The following RNF13 variants were observed in gnomAD, a reference collection of about 807,000 sequenced individuals.
RNF13 encodes E3 ubiquitin-protein ligase RNF13.
A neutral mutation model predicts 37.7 loss-of-function variants in RNF13; 19 were observed. The ratio of observed to expected loss-of-function variants is 0.50; its 90% CI spans 0.35 to 0.74. The LOEUF (loss-of-function observed/expected upper bound fraction) is 0.74. Ranked by LOEUF, RNF13 falls within the 30% of genes least tolerant of loss-of-function variation. The pLI, the probability that RNF13 is intolerant of heterozygous loss-of-function variation, is 0.01. For synonymous variants in RNF13, 144 were observed against 157.8 expected (o/e 0.91, Z 0.65); for missense variants, 375 against 453.0 (o/e 0.83, Z 1.56).
intron 3 of RNF13, among the ~76,000 whole-genome samples, chr3:149,858,577 C>T (rs1723890693): frequency 6.6e-6 from 1 of 152,154 alleles, no homozygotes; most frequent in African/African-American, 2.4e-5. Context: ...AGCAACACAG[C>T]TTTTGGGCTA....
intron 8 of RNF13, among the ~76,000 whole-genome samples, chr3:149,940,702 C>T (rs973106306): frequency 1.3e-5 from 2 of 152,098 alleles, no homozygotes; most frequent in Non-Finnish European, 2.9e-5. Flanking sequence ...TAGAAAAACA[C>T]ATAACAATAA....
At chr3:149,953,864 G>C (rs1252230548) in intron 8 of RNF13, among the ~76,000 whole-genome samples, 1 of 152,172 alleles carries the variant, frequency 6.6e-6, no homozygotes, top group Non-Finnish European at 1.5e-5. Context: ...GCTTACGATA[G>C]TGCTTGGCAC....
rs776893225 is a variant in RNF13, at chr3:149,846,089, C to T, written c.63C>T (p.Val21=). The T allele has an allele frequency of 6.2e-7, 1 of 1,613,234 alleles. No homozygotes were observed. The highest frequency in any genetic ancestry group is 8.5e-7 in the Non-Finnish European group (1 of 1,179,870). The change falls in exon 2 of 10, where the codon GTC becomes GTT. Residue 21 remains valine (V), a synonymous_variant. Transcript: ENST00000392894. ...CACAAGTCTACACCATCTTGACTGT[C>T]CAGCTCTTTGCATTCTTAAACCTAC... is the stretch of plus-strand genomic sequence containing the variant. The part of the protein sequence containing the change: ...SATQVYTILT[V]QLFAFLNLLP...
At chr3:149,869,598 T>C (rs1249788813) in intron 3 of RNF13, among the ~76,000 whole-genome samples, 1 of 151,318 alleles carries the variant, frequency 6.6e-6, no homozygotes, top group Middle Eastern at 3.2e-3. Context: ...AGAGCGAGAC[T>C]CCGCCTCAGA....
At chr3:149,906,019 G>A (rs1716351509) in intron 6 of RNF13, among the ~76,000 whole-genome samples, 1 of 151,990 alleles carries the variant, frequency 6.6e-6, no homozygotes, top group Non-Finnish European at 1.5e-5. Context: ...CCAGCCCCAG[G>A]CAATCACTAA....
At chr3:149,881,490 C>A (rs956340505) in intron 4 of RNF13, among the ~76,000 whole-genome samples, 1 of 152,064 alleles carries the variant, frequency 6.6e-6, no homozygotes, top group South Asian at 2.1e-4. Context: ...ACCACCAGGC[C>A]TGGCTAATTT....
In RNF13 at chr3:149,950,830, C is replaced by T. The variant is rs574422073; in HGVS notation, c.701-9226C>T. 1.8e-4 allele frequency among the ~76,000 whole-genome samples: 27 copies of T among 152,098 alleles called. No individual in the cohort carries two copies. In the South Asian group the frequency reaches 3.5e-3, roughly 20 times the overall value. ...CAAGGGTCTGAACTTCACAAGTGCC[C>T]GTCACTTCTTTTCCCAGAATTAGGT... On this transcript the variant is annotated intron_variant, in intron 8 of 9. Coordinates refer to ENST00000392894, the MANE Select transcript of RNF13 (RefSeq NM_183381.3).
chr3:149,942,538 AATTG>A (rs1720378837), intron 8 of RNF13, among the ~76,000 whole-genome samples: 1 of 151,994 alleles, frequency 6.6e-6, no homozygotes, highest in Non-Finnish European at 1.5e-5. Flanking sequence ...TTCCTTTGTG[AATTG>A]ATTGTTAGTG....
intron 8 of RNF13, among the ~76,000 whole-genome samples, chr3:149,931,555 C>T (rs1434477690): frequency 1.3e-5 from 2 of 151,882 alleles, no homozygotes; most frequent in Admixed American, 6.5e-5. Context: ...TTGCATTTTA[C>T]AATTTTTTAT....
intron 5 of RNF13, among the ~76,000 whole-genome samples, chr3:149,899,437 A>G (rs1715594926): frequency 6.6e-6 from 1 of 152,208 alleles, no homozygotes; most frequent in South Asian, 2.1e-4. Flanking sequence ...CAACAGAGCA[A>G]GACTCCGTCT....
intron 1 of RNF13, among the ~76,000 whole-genome samples, chr3:149,838,064 G>T (rs1298154555): frequency 6.6e-6 from 1 of 152,138 alleles, no homozygotes; most frequent in Non-Finnish European, 1.5e-5. Flanking sequence ...CAGCGGGGCA[G>T]TCAAATCTTA....
At chr3:149,823,627 A>C (rs2108318628) in intron 1 of RNF13, among the ~76,000 whole-genome samples, 1 of 152,330 alleles carries the variant, frequency 6.6e-6, no homozygotes, top group South Asian at 2.1e-4. Context: ...GTACAGCAAG[A>C]AAATAGACAA....
In RNF13 at chr3:149,823,571, A is replaced by G. The variant is rs537541486; in HGVS notation, c.-17+10218A>G. Reference sequence around the variant, plus strand: ...TAATCAGAAGTATGGAAAGATTTATATTCATTGGAAAATTATTTGTAATAG... The same window carrying G: ...TAATCAGAAGTATGGAAAGATTTATGTTCATTGGAAAATTATTTGTAATAG... On this transcript the variant is annotated intron_variant, in intron 1 of 9. Coordinates refer to ENST00000392894, the MANE Select transcript of RNF13 (RefSeq NM_183381.3). 2.8e-3 allele frequency among the ~76,000 whole-genome samples: 429 copies of G among 152,314 alleles called. 2 individuals carry two copies. The highest frequency in any genetic ancestry group is 9.9e-3 in the African/African-American group (410 of 41,582).
intron 3 of RNF13, among the ~76,000 whole-genome samples, chr3:149,855,670 A>G (rs1723581384): frequency 6.6e-6 from 1 of 151,560 alleles, no homozygotes. Flanking sequence ...TTTCTCTAGG[A>G]TAGAGGTCTG....
intron 7 of RNF13, among the ~76,000 whole-genome samples, chr3:149,917,920 T>A (rs1717711817): frequency 6.6e-6 from 1 of 152,210 alleles, no homozygotes; most frequent in Non-Finnish European, 1.5e-5. Context: ...CACAATTCAA[T>A]AATTTTAAGT....
At chr3:149,923,054 TAATAA>T (rs1281535819) in intron 8 of RNF13, among the ~76,000 whole-genome samples, 13 of 152,238 alleles carry the variant, frequency 8.5e-5, no homozygotes, top group African/African-American at 2.9e-4. Context: ...ATTTTTCAAA[TAATAA>T]AATGTTTTAT....
intron 2 of RNF13, among the ~76,000 whole-genome samples, chr3:149,849,816 G>T (rs890741494): frequency 6.6e-6 from 1 of 152,108 alleles, no homozygotes; most frequent in Admixed American, 6.6e-5. Flanking sequence ...CTCAGTAATT[G>T]TTAGATATTT....
At position 149,883,020 on chromosome 3, in the gene RNF13, C is replaced by G. The variant is rs115421081; in HGVS notation, c.321+10866C>G. ...ATATTTTATGTCTTATACATTCTCT[C>G]TCTGTACAACAGCAGCATTCTCCTA... On this transcript the variant is annotated intron_variant, in intron 4 of 9. Transcript: ENST00000392894. Among the ~76,000 whole-genome samples the G allele has an allele frequency of 7.4e-3, 1,126 of 152,256 alleles. 9 individuals are homozygous for G. The highest frequency in any genetic ancestry group is 0.012 in the Admixed American group (191 of 15,288).
chr3:149,848,169 A>C (rs1722809532), intron 2 of RNF13, among the ~76,000 whole-genome samples: 1 of 152,198 alleles, frequency 6.6e-6, no homozygotes, highest in Non-Finnish European at 1.5e-5. Flanking sequence ...AAGATACAAA[A>C]CTACCTGAGC....
Sources: gnomAD v4.1 joint callset for allele counts (sites outside exome capture counted in the v4.1 genomes callset) on GRCh38, gnomAD v4.1.1 for gene constraint, MANE v1.5 for transcripts, NCBI Gene and HGNC (gene_info 2026-07-23, HGNC 2026-07-21) for gene names.